Variants in CADM1 observed in about 807,000 individuals in gnomAD.
The protein encoded by CADM1 is cell adhesion molecule 1.
A neutral mutation model predicts 53.1 loss-of-function variants in CADM1; 15 were observed. The observed-to-expected ratio is 0.28, with a 90% CI of 0.19 to 0.44. The LOEUF is 0.44. CADM1 is among the 20% of genes least tolerant of loss of function. The pLI, the probability that CADM1 is intolerant of heterozygous loss-of-function variation, is 1.00. For synonymous variants in CADM1, 281 were observed against 243.0 expected (o/e 1.16, Z -1.45); for missense variants, 434 against 611.3 (o/e 0.71, Z 3.06).
chr11:115,495,619 G>A (rs1307267394), intron 1 of CADM1, among the ~76,000 whole-genome samples: 1 of 152,160 alleles, frequency 6.6e-6, no homozygotes, highest in African/African-American at 2.4e-5. Flanking sequence ...AATGCAAAAT[G>A]TAACTAAATT....
intron 1 of CADM1, among the ~76,000 whole-genome samples, chr11:115,312,553 C>G (rs147099863): frequency 1.5e-4 from 23 of 152,034 alleles, no homozygotes; most frequent in African/African-American, 5.6e-4. Flanking sequence ...AATATTAGAG[C>G]AACAAGATAT....
intron 1 of CADM1, among the ~76,000 whole-genome samples, chr11:115,354,851 T>C (rs1246189094): frequency 6.6e-5 from 10 of 152,094 alleles, no homozygotes; most frequent in Admixed American, 6.5e-4. Context: ...CTCAACAAAT[T>C]AGTAATAATT....
chr11:115,373,567 G>A (rs1467662450), intron 1 of CADM1, among the ~76,000 whole-genome samples: 1 of 113,486 alleles, frequency 8.8e-6, no homozygotes, highest in South Asian at 2.8e-4. Context: ...CTGGGTGACA[G>A]AGCAAGACTC....
chr11:115,289,583 CTTTTTTTTTCT>C (rs1943825527), intron 1 of CADM1, among the ~76,000 whole-genome samples: 1 of 104,566 alleles, frequency 9.6e-6, no homozygotes, highest in South Asian at 3.1e-4. Context: ...ACTGAATTTT[CTTTTTTTTTCT>C]TTTTTTTTTT....
intron 1 of CADM1, among the ~76,000 whole-genome samples, chr11:115,410,785 T>C (rs1947441894): frequency 6.6e-6 from 1 of 152,212 alleles, no homozygotes; most frequent in Non-Finnish European, 1.5e-5. Context: ...GTAAAATCTG[T>C]GCATTCCAGG....
intron 1 of CADM1, among the ~76,000 whole-genome samples, chr11:115,250,162 C>T (rs757791288): frequency 6.6e-6 from 1 of 152,208 alleles, no homozygotes; most frequent in African/African-American, 2.4e-5. Context: ...CTCAGCCTCG[C>T]AAAGTGCTGG....
At chr11:115,422,183 G>A (rs1259636319) in intron 1 of CADM1, among the ~76,000 whole-genome samples, 1 of 152,176 alleles carries the variant, frequency 6.6e-6, no homozygotes, top group Non-Finnish European at 1.5e-5. Flanking sequence ...CAAATTACAG[G>A]TGTCAGTGCC....
chr11:115,219,258 C>T (rs113770663), intron 5 of CADM1, among the ~76,000 whole-genome samples: 16 of 152,180 alleles, frequency 1.1e-4, no homozygotes, highest in Non-Finnish European at 2.1e-4. Flanking sequence ...TACGGCAAGG[C>T]TCAACCAATC....
At chr11:115,233,010 T>C (rs1270811865) in intron 3 of CADM1, among the ~76,000 whole-genome samples, 2 of 152,250 alleles carry the variant, frequency 1.3e-5, no homozygotes, top group Non-Finnish European at 2.9e-5. Flanking sequence ...TAGTCCACAA[T>C]GTGAAAATTC....
At chr11:115,488,365 T>C (rs1949422409) in intron 1 of CADM1, among the ~76,000 whole-genome samples, 1 of 152,182 alleles carries the variant, frequency 6.6e-6, no homozygotes, top group African/African-American at 2.4e-5. Flanking sequence ...AAACAAGTTA[T>C]GAGAGGCCCT....
intron 1 of CADM1, among the ~76,000 whole-genome samples, chr11:115,307,517 A>AAATATAT (rs10673324): frequency 9.2e-4 from 133 of 144,298 alleles, no homozygotes; most frequent in South Asian, 3.8e-3. Flanking sequence ...GGAAAAAAAA[A>AAATATAT]ATATATATAT....
At chr11:115,209,365 A>C (rs1348381732) in intron 8 of CADM1, among the ~76,000 whole-genome samples, 1 of 152,270 alleles carries the variant, frequency 6.6e-6, no homozygotes, top group African/African-American at 2.4e-5. Context: ...CATAAGCTGC[A>C]AAATATCTGA....
intron 1 of CADM1, among the ~76,000 whole-genome samples, chr11:115,405,289 A>G (rs1947285680): frequency 6.6e-6 from 1 of 152,272 alleles, no homozygotes; most frequent in South Asian, 2.1e-4. Context: ...TGTTTTCACT[A>G]CCATCAAATC....
At chr11:115,308,242 T>C (rs1415430353) in intron 1 of CADM1, among the ~76,000 whole-genome samples, 1 of 147,748 alleles carries the variant, frequency 6.8e-6, no homozygotes, top group Non-Finnish European at 1.5e-5. Flanking sequence ...TTGTCCTTAA[T>C]TGGTGAAAGT....
At chr11:115,432,917 A>T (rs1948092423) in intron 1 of CADM1, among the ~76,000 whole-genome samples, 1 of 152,236 alleles carries the variant, frequency 6.6e-6, no homozygotes, top group Non-Finnish European at 1.5e-5. Flanking sequence ...TTCACAGAGC[A>T]CAGTTACTCA....
chr11:115,247,225 T>C (rs1252548573), intron 1 of CADM1, among the ~76,000 whole-genome samples: 1 of 152,178 alleles, frequency 6.6e-6, no homozygotes, highest in Non-Finnish European at 1.5e-5. Context: ...ATGGCAAATA[T>C]GTTTCAGTTT....
intron 1 of CADM1, among the ~76,000 whole-genome samples, chr11:115,461,668 C>G (rs1304695491): frequency 6.6e-6 from 1 of 152,110 alleles, no homozygotes; most frequent in African/African-American, 2.4e-5. Flanking sequence ...TATGGATGAA[C>G]CTGTTGAGGG....
intron 1 of CADM1, among the ~76,000 whole-genome samples, chr11:115,246,848 A>G (rs374152975): frequency 6.6e-6 from 1 of 152,222 alleles, no homozygotes; most frequent in East Asian, 1.9e-4. Flanking sequence ...TTGAGCTTAT[A>G]AAAGGAAAAA....
chr11:115,467,801 C>T (rs1265743437), intron 1 of CADM1, among the ~76,000 whole-genome samples: 1 of 152,080 alleles, frequency 6.6e-6, no homozygotes, highest in Non-Finnish European at 1.5e-5. Flanking sequence ...AAGGCAAACG[C>T]CTAAGGACCT....
Sources: gnomAD v4.1 joint callset for allele counts (sites outside exome capture counted in the v4.1 genomes callset) on GRCh38, gnomAD v4.1.1 for gene constraint, MANE v1.5 for transcripts, NCBI Gene and HGNC (gene_info 2026-07-23, HGNC 2026-07-21) for gene names.